FGF12: variants seen among roughly 807,000 people sequenced by gnomAD.
FGF12 encodes the protein fibroblast growth factor 12, also known as fibroblast growth factor 12B.
FGF12 carries 14 observed loss-of-function variants against 23.6 expected under a neutral mutation model. The ratio of observed to expected loss-of-function variants is 0.59; its 90% CI spans 0.39 to 0.93. The LOEUF (loss-of-function observed/expected upper bound fraction) is 0.93, where lower values mean the gene tolerates loss of function less well. FGF12 is among the 40% of genes least tolerant of loss of function. The pLI, the probability that FGF12 is intolerant of heterozygous loss-of-function variation, is 0.00. For synonymous variants in FGF12, 62 were observed against 77.3 expected, an observed-to-expected ratio of 0.80 and a Z score of 1.04; for missense variants, 175 against 217.8, an observed-to-expected ratio of 0.80 and a Z score of 1.24.
chr3:192,552,543 A>C (rs1044484806), intron 2 of FGF12, among the ~76,000 whole-genome samples: 2 of 151,728 alleles, frequency 1.3e-5, no homozygotes, highest in Non-Finnish European at 2.9e-5. Flanking sequence ...ATCAAAAAAA[A>C]CCCTCATATG....
intron 4 of FGF12, among the ~76,000 whole-genome samples, chr3:192,293,167 AAGAG>A (rs1040438410): frequency 2.0e-5 from 3 of 152,176 alleles, no homozygotes; most frequent in Non-Finnish European, 4.4e-5. Context: ...TAAAGAAGGA[AAGAG>A]AGAGATTTCA....
intron 5 of FGF12, among the ~76,000 whole-genome samples, chr3:192,160,751 C>T (rs146611686): frequency 6.9e-4 from 105 of 152,192 alleles, no homozygotes; most frequent in Non-Finnish European, 1.3e-3. Context: ...ATGAATATTC[C>T]TATCTACTAT....
chr3:192,223,930 A>G (rs1006915375), intron 4 of FGF12, among the ~76,000 whole-genome samples: 2 of 152,100 alleles, frequency 1.3e-5, no homozygotes, highest in Non-Finnish European at 2.9e-5. Flanking sequence ...ACTTCCCCAT[A>G]GCCCATAAAA....
chr3:192,581,840 T>A (rs1713169153), intron 2 of FGF12, among the ~76,000 whole-genome samples: 1 of 152,192 alleles, frequency 6.6e-6, no homozygotes, highest in South Asian at 2.1e-4. Flanking sequence ...TGAGCACAGT[T>A]ATCTCTAAAA....
chr3:192,544,217 T>C (rs1219514350), intron 2 of FGF12, among the ~76,000 whole-genome samples: 1 of 152,022 alleles, frequency 6.6e-6, no homozygotes, highest in Non-Finnish European at 1.5e-5. Flanking sequence ...GCACACAGAT[T>C]TTTTTTTCTC....
At chr3:192,218,115 C>G (rs1718289025) in intron 4 of FGF12, among the ~76,000 whole-genome samples, 1 of 152,250 alleles carries the variant, frequency 6.6e-6, no homozygotes, top group African/African-American at 2.4e-5. Flanking sequence ...TTACAAGCGT[C>G]AGCCACCACG....
intron 2 of FGF12, among the ~76,000 whole-genome samples, chr3:192,516,011 G>A (rs1724656940): frequency 6.6e-6 from 1 of 152,108 alleles, no homozygotes; most frequent in South Asian, 2.1e-4. Flanking sequence ...CTAGAGACAA[G>A]CAGCGTTAAG....
At position 192,247,677 on chromosome 3, in the gene FGF12, T is replaced by C. The variant is rs116108140; in HGVS notation, c.229-77021A>G. The stretch of plus-strand genomic sequence containing the variant: ...ATATAGTTATTGATTCTACCACTTT[T>C]AATAAGGAATGTATGCAAAATTGAA... On this transcript the variant is annotated intron_variant, in intron 4 of 5. Coordinates refer to ENST00000445105, the MANE Select transcript of FGF12 (RefSeq NM_004113.6). 6.5e-3 allele frequency among the ~76,000 whole-genome samples: 996 copies of C among 152,242 alleles called. 10 individuals carry two copies. The highest frequency in any genetic ancestry group is 0.023 in the African/African-American group (961 of 41,552).
At chr3:192,677,136 A>C (rs1577115626) in intron 2 of FGF12, among the ~76,000 whole-genome samples, 1 of 152,162 alleles carries the variant, frequency 6.6e-6, no homozygotes, top group African/African-American at 2.4e-5. Flanking sequence ...CGTAGCATGA[A>C]AAGTCCACAC....
chr3:192,353,671 G>A (rs1265284107), intron 3 of FGF12, among the ~76,000 whole-genome samples: 1 of 152,082 alleles, frequency 6.6e-6, no homozygotes, highest in Non-Finnish European at 1.5e-5. Flanking sequence ...GCCCGGCTGG[G>A]AGCAGAAGTC....
intron 2 of FGF12, among the ~76,000 whole-genome samples, chr3:192,553,585 T>C (rs868818910): frequency 2.6e-5 from 4 of 152,324 alleles, no homozygotes; most frequent in Middle Eastern, 3.4e-3. Context: ...CAAATGTCCC[T>C]TGTTAGAAAC....
At chr3:192,580,319 AT>A (rs35909508) in intron 2 of FGF12, among the ~76,000 whole-genome samples, 2,510 of 146,660 alleles carry the variant, frequency 0.017, 47 homozygotes, top group African/African-American at 0.047. Context: ...CAACATTTCT[AT>A]TTTTTTTTTT....
chr3:192,148,572 ATATACT>A (rs1560167092), intron 5 of FGF12, among the ~76,000 whole-genome samples: 1 of 152,238 alleles, frequency 6.6e-6, no homozygotes, highest in Non-Finnish European at 1.5e-5. Context: ...GCAATGAAAC[ATATACT>A]TAAAAATGAT....
chr3:192,305,414 G>A (rs59856980), intron 4 of FGF12, among the ~76,000 whole-genome samples: 7,310 of 151,518 alleles, frequency 0.048, 301 homozygotes, highest in South Asian at 0.17. Context: ...AATACACGTC[G>A]AGCTGCCCTT....
At chr3:192,654,849 A>G (rs1716341938) in intron 2 of FGF12, among the ~76,000 whole-genome samples, 1 of 152,126 alleles carries the variant, frequency 6.6e-6, no homozygotes, top group African/African-American at 2.4e-5. Context: ...AATGCTAGCT[A>G]TGTATAGAAA....
At position 192,496,842 on chromosome 3, in the gene FGF12, T is replaced by A. The variant is rs557315205; in HGVS notation, c.14-136304A>T. ...CCTGTGTTATCACACTCTCCTGAATTTCCTCTACTTCTCAAGCTACTCCTT... is the reference window on the plus strand; with the variant it reads ...CCTGTGTTATCACACTCTCCTGAATATCCTCTACTTCTCAAGCTACTCCTT... On this transcript the variant is annotated intron_variant, in intron 2 of 5. Transcript: ENST00000445105. Among the ~76,000 whole-genome samples the A allele has an allele frequency of 3.3e-5, 5 of 152,326 alleles. No individual in the cohort carries two copies. The South Asian group carries it at 1.0e-3, about 32-fold the overall frequency.
intron 4 of FGF12, among the ~76,000 whole-genome samples, chr3:192,265,706 T>C (rs988420429): frequency 1.3e-5 from 2 of 152,146 alleles, no homozygotes; most frequent in Non-Finnish European, 2.9e-5. Flanking sequence ...TTTTAAGCTA[T>C]ACACCAGAGA....
At chr3:192,684,217 C>T (rs1303232494) in intron 2 of FGF12, among the ~76,000 whole-genome samples, 1 of 152,182 alleles carries the variant, frequency 6.6e-6, no homozygotes, top group Non-Finnish European at 1.5e-5. Context: ...TGTTGCTTTT[C>T]CCCAAAGGTC....
chr3:192,274,134 A>G (rs549140823), intron 4 of FGF12, among the ~76,000 whole-genome samples: 1 of 152,292 alleles, frequency 6.6e-6, no homozygotes, highest in East Asian at 1.9e-4. Context: ...AAAAATAAAA[A>G]GAAATAGAGT....
Sources: gnomAD v4.1 joint callset for allele counts (sites outside exome capture counted in the v4.1 genomes callset) on GRCh38, gnomAD v4.1.1 for gene constraint, MANE v1.5 for transcripts, NCBI Gene and HGNC (gene_info 2026-07-23, HGNC 2026-07-21) for gene names.